PIK3AP1: variants seen among roughly 807,000 people sequenced by gnomAD.
PIK3AP1 encodes the protein phosphoinositide 3-kinase adapter protein 1.
A neutral mutation model predicts 88.1 loss-of-function variants in PIK3AP1; 21 were observed. The observed-to-expected ratio is 0.24, with a 90% CI of 0.17 to 0.34. PIK3AP1 has a LOEUF of 0.34. Ranked by LOEUF, PIK3AP1 falls within the 10% of genes least tolerant of loss-of-function variation. PIK3AP1 has a pLI of 1.00. For missense variants in PIK3AP1, 828 were observed against 1,035.7 expected (o/e 0.80, Z 2.75); for synonymous variants, 398 against 400.0 (o/e 1.00, Z 0.06).
intron 13 of PIK3AP1, among the ~76,000 whole-genome samples, chr10:96,611,753 A>G (rs957966291): frequency 2.6e-5 from 4 of 152,166 alleles, no homozygotes; most frequent in African/African-American, 9.7e-5. Flanking sequence ...GGTGTGAGCC[A>G]CTGCACCCAG....
rs751974982 is a variant in PIK3AP1, at chr10:96,626,815, G to C, written c.1562C>G (p.Ala521Gly). Residue 521 changes from alanine (A) to glycine (G), a missense_variant, in exon 10 of 17, where the codon GCC (alanine) becomes GGC (glycine). Ala to Gly is a moderately conservative substitution (Grantham distance 60). Coordinates refer to ENST00000339364, the MANE Select transcript of PIK3AP1 (RefSeq NM_152309.3). The stretch of plus-strand genomic sequence containing the variant: ...CCTGCTGGCCAGGTCCACAGAAAAG[G>C]CCTCATCGTCATCCACCGTGTGATA... ...DVYHTVDDDE[A>G]FSVDLASRPP... 1.2e-6 allele frequency: 2 copies of C among 1,614,010 alleles called. No individual in the cohort carries two copies. Among genetic ancestry groups the C allele is most frequent in the Non-Finnish European group, 1.7e-6 (2 of 1,179,960 alleles).
chr10:96,715,938 C>T (rs1246397701), intron 1 of PIK3AP1, among the ~76,000 whole-genome samples: 2 of 151,502 alleles, frequency 1.3e-5, no homozygotes, highest in African/African-American at 4.8e-5. Context: ...ACTTAAATCT[C>T]CTATATTTAA....
At chr10:96,612,309 C>T (rs1445871162) in intron 13 of PIK3AP1, among the ~76,000 whole-genome samples, 1 of 152,092 alleles carries the variant, frequency 6.6e-6, no homozygotes, top group Non-Finnish European at 1.5e-5. Flanking sequence ...CTGTACCAGC[C>T]CAGTAAGAGC....
intron 7 of PIK3AP1, among the ~76,000 whole-genome samples, chr10:96,645,924 T>G (rs1360131871): frequency 6.6e-6 from 1 of 152,112 alleles, no homozygotes; most frequent in Admixed American, 6.5e-5. Context: ...ACTCAGGAAA[T>G]ACTCGTTAAA....
intron 6 of PIK3AP1, among the ~76,000 whole-genome samples, chr10:96,649,858 C>A (rs990161449): frequency 6.6e-6 from 1 of 152,226 alleles, no homozygotes. Context: ...GGACCCCCTC[C>A]ACCTACTGAC....
intron 8 of PIK3AP1, among the ~76,000 whole-genome samples, chr10:96,644,377 G>A (rs1460944411): frequency 6.6e-6 from 1 of 152,180 alleles, no homozygotes; most frequent in Non-Finnish European, 1.5e-5. Flanking sequence ...GTACAAGTAT[G>A]TCTGTATTTT....
intron 16 of PIK3AP1, among the ~76,000 whole-genome samples, chr10:96,597,386 TTC>T (rs1848792624): frequency 7.0e-6 from 1 of 143,484 alleles, no homozygotes; most frequent in Non-Finnish European, 1.5e-5. Context: ...CTTTCTTTCT[TTC>T]TTTCTTTCAA....
intron 13 of PIK3AP1, among the ~76,000 whole-genome samples, chr10:96,615,586 G>A (rs1309026596): frequency 6.6e-6 from 1 of 152,176 alleles, no homozygotes; most frequent in Non-Finnish European, 1.5e-5. Flanking sequence ...GACAGAAAAA[G>A]AGAAGTGCCA....
At chr10:96,598,038 T>C (rs1204971726) in intron 16 of PIK3AP1, among the ~76,000 whole-genome samples, 5 of 124,846 alleles carry the variant, frequency 4.0e-5, no homozygotes, top group African/African-American at 1.5e-4. Context: ...TTTTTGTTTT[T>C]TTGTTGTTTT....
chr10:96,617,828 G>A (rs1177193377), intron 12 of PIK3AP1, among the ~76,000 whole-genome samples: 1 of 152,216 alleles, frequency 6.6e-6, no homozygotes, highest in South Asian at 2.1e-4. Flanking sequence ...GCGGCCTTGA[G>A]GGATGGTTTG....
chr10:96,710,580 C>T (rs1441108526), intron 1 of PIK3AP1, among the ~76,000 whole-genome samples: 1 of 152,094 alleles, frequency 6.6e-6, no homozygotes, highest in Non-Finnish European at 1.5e-5. Flanking sequence ...CACCTTCCCC[C>T]CACACCTGAA....
rs138069716 is a variant in PIK3AP1, at chr10:96,640,909, C to T, written c.1375+4564G>A. Among the ~76,000 whole-genome samples, 1,182 of 152,244 alleles carry T rather than the reference C, an allele frequency of 7.8e-3. 13 individuals carry two copies. The highest frequency in any genetic ancestry group is 0.025 in the African/African-American group (1,018 of 41,518). On this transcript the variant is annotated intron_variant, in intron 8 of 16. Coordinates refer to ENST00000339364, the MANE Select transcript of PIK3AP1 (RefSeq NM_152309.3). Reference sequence around the variant, plus strand: ...AACTCCTGGGTTCAAGCAATCCTCCCGCCTCAGCCTCCCTAAATGCTGGGA... The same window carrying T: ...AACTCCTGGGTTCAAGCAATCCTCCTGCCTCAGCCTCCCTAAATGCTGGGA...
intron 2 of PIK3AP1, among the ~76,000 whole-genome samples, chr10:96,705,579 CT>C (rs57429192): frequency 0.017 from 2,271 of 133,870 alleles, 17 homozygotes; most frequent in African/African-American, 0.042. Context: ...CATTGCATTT[CT>C]TTTTTTTTTT....
intron 3 of PIK3AP1, among the ~76,000 whole-genome samples, chr10:96,654,029 A>G (rs1039120329): frequency 2.6e-5 from 4 of 152,208 alleles, no homozygotes; most frequent in Non-Finnish European, 5.9e-5. Flanking sequence ...CCACTGAGCC[A>G]GAGTCTGCAT....
chr10:96,616,939 C>T (rs1027572695), intron 12 of PIK3AP1, among the ~76,000 whole-genome samples: 1 of 152,168 alleles, frequency 6.6e-6, no homozygotes, highest in South Asian at 2.1e-4. Context: ...AAGTGTCTTT[C>T]CTCCCCTCTG....
intron 2 of PIK3AP1, among the ~76,000 whole-genome samples, chr10:96,665,909 C>A (rs1169970276): frequency 2.0e-5 from 3 of 152,084 alleles, no homozygotes; most frequent in African/African-American, 7.2e-5. Flanking sequence ...AGCAAGACTC[C>A]CCACAGATTG....
intron 8 of PIK3AP1, chr10:96,632,829 A>G: frequency 6.3e-7 from 1 of 1,583,092 alleles, no homozygotes; most frequent in Non-Finnish European, 8.6e-7. Flanking sequence ...TATTGACTAC[A>G]CATCCACCAG....
At chr10:96,688,618 G>T (rs781300746) in intron 2 of PIK3AP1, among the ~76,000 whole-genome samples, 3 of 152,094 alleles carry the variant, frequency 2.0e-5, no homozygotes, top group Non-Finnish European at 2.9e-5. Flanking sequence ...GGCCAACATG[G>T]TGAAATCCCA....
At chr10:96,624,661 CAAA>C (rs5787202) in intron 10 of PIK3AP1, among the ~76,000 whole-genome samples, 18 of 139,292 alleles carry the variant, frequency 1.3e-4, no homozygotes, top group Non-Finnish European at 1.4e-4. Flanking sequence ...GACCCTGTCT[CAAA>C]AAAAAAAAAA....
Sources: allele counts gnomAD v4.1 joint callset (sites outside exome capture counted in the v4.1 genomes callset), GRCh38; gene constraint gnomAD v4.1.1; transcripts MANE v1.5; gene names NCBI Gene and HGNC (gene_info 2026-07-23, HGNC 2026-07-21).